The following SELENOT variants were observed in gnomAD, a reference collection of about 807,000 sequenced individuals.
SELENOT encodes the protein selenoprotein T, also known as thioredoxin reductase-like selenoprotein T.
SELENOT carries 9 observed loss-of-function variants against 24.3 expected under a neutral mutation model. The ratio of observed to expected loss-of-function variants is 0.37; its 90% CI spans 0.22 to 0.65. The LOEUF (loss-of-function observed/expected upper bound fraction) is 0.65. Among genes scored for constraint, SELENOT ranks in the 30% least tolerant of loss-of-function variants. The pLI, the probability that SELENOT is intolerant of heterozygous loss-of-function variation, is 0.60. For missense variants in SELENOT, 166 were observed against 247.6 expected (o/e 0.67, Z 2.21); for synonymous variants, 81 against 86.0 (o/e 0.94, Z 0.32).
rs766922191 is a variant in SELENOT at position 150,627,097 on chromosome 3, A to G, written c.551A>G (p.Asn184Ser). ...VQILDNEMKLNVHMDSIPHHR... is the reference protein window; with the variant it reads ...VQILDNEMKLSVHMDSIPHHR... Reference sequence around the variant, plus strand: ...ATTCTTGACAATGAAATGAAGCTCAATGTGCATATGGATTCAATCCCACAC... The same window carrying G: ...ATTCTTGACAATGAAATGAAGCTCAGTGTGCATATGGATTCAATCCCACAC... Residue 184 changes from asparagine to serine, a missense_variant, in exon 5 of 6, where the codon AAT (asparagine) becomes AGT (serine). Around this residue, in one of 5 missense-constraint regions of SELENOT, gnomAD observed 44 missense variants for 72.2 expected, o/e 0.61. Coordinates refer to ENST00000471696, the MANE Select transcript of SELENOT (RefSeq NM_016275.5). 81 of 1,613,662 alleles carry G rather than the reference A, an allele frequency of 5.0e-5. No homozygotes were observed. The highest frequency in any genetic ancestry group is 6.4e-5 in the Non-Finnish European group (75 of 1,179,738).
rs757956742 is a variant in SELENOT at position 150,627,143 on chromosome 3, A to G, written c.*9A>G. ...CACACCATCGATCATAGCACCACCT[A>G]TCAGCACTGAAAACTCTTTTGTAAG... On this transcript the variant is annotated 3_prime_UTR_variant, in exon 5 of 6. Coordinates refer to ENST00000471696, the MANE Select transcript of SELENOT (RefSeq NM_016275.5). 1.4e-5 allele frequency: 22 copies of G among 1,608,718 alleles called. No individual in the cohort carries two copies. Among genetic ancestry groups the G allele is most frequent in the East Asian group, 6.7e-5 (3 of 44,792 alleles).
At position 150,622,414 on chromosome 3, in the gene SELENOT, A is replaced by G; in HGVS notation, c.167A>G (p.Glu56Gly). The G allele has an allele frequency of 6.8e-7, 1 of 1,480,322 alleles. No individual in the cohort carries two copies. The highest frequency in any genetic ancestry group is 1.3e-5 in the South Asian group (1 of 74,214). The allele number at this position is 1,480,322 out of a possible 1,614,324, so 91.7% of individuals were successfully genotyped here. The change falls in exon 2 of 6, where the codon GAG becomes GGG. Residue 56 changes from glutamate (E) to glycine (G), a missense_variant. By Grantham distance (98) the Glu-to-Gly change is moderately conservative (BLOSUM62 -2). Coordinates refer to ENST00000471696, the MANE Select transcript of SELENOT (RefSeq NM_016275.5). The part of the protein sequence containing the change: ...CVSUGYRRVF[E>G]EYMRVISQRY... ...TCCTGAGGTTATAGGCGGGTGTTTG[A>G]GGAGTACATGCGGGTTATTAGCCAG...
intron 1 of SELENOT, among the ~76,000 whole-genome samples, chr3:150,613,995 T>G (rs1423648217): frequency 6.6e-6 from 1 of 152,084 alleles, no homozygotes; most frequent in African/African-American, 2.4e-5. Flanking sequence ...CAAGAGACAG[T>G]ACATTTTAGG....
At chr3:150,606,535 T>C (rs11922033) in intron 1 of SELENOT, among the ~76,000 whole-genome samples, 21,086 of 149,864 alleles carry the variant, frequency 0.14, 1,553 homozygotes, top group Non-Finnish European at 0.17. Context: ...AAAAAATTTA[T>C]TCTGCTTATT....
At chr3:150,608,181 GGT>G (rs1726012629) in intron 1 of SELENOT, among the ~76,000 whole-genome samples, 1 of 152,142 alleles carries the variant, frequency 6.6e-6, no homozygotes, top group Admixed American at 6.5e-5. Flanking sequence ...GAATGTTTTT[GGT>G]GGGAGGGAAG....
chr3:150,625,530 C>G (rs1245235149), intron 4 of SELENOT, among the ~76,000 whole-genome samples: 2 of 152,120 alleles, frequency 1.3e-5, no homozygotes, highest in Non-Finnish European at 2.9e-5. Context: ...TTAACTGCCA[C>G]CACCCTAGTC....
intron 4 of SELENOT, among the ~76,000 whole-genome samples, chr3:150,626,218 G>A (rs951276412): frequency 6.6e-6 from 1 of 152,102 alleles, no homozygotes; most frequent in African/African-American, 2.4e-5. Flanking sequence ...TGCTGCTTGA[G>A]TGTTCCCAAT....
At chr3:150,607,265 C>T (rs1452930630) in intron 1 of SELENOT, among the ~76,000 whole-genome samples, 2 of 152,200 alleles carry the variant, frequency 1.3e-5, no homozygotes, top group African/African-American at 4.8e-5. Flanking sequence ...TGTACCAAAA[C>T]AGATTTTTAT....
In SELENOT at chr3:150,622,464, G is replaced by A; in HGVS notation, c.217G>A (p.Gly73Arg). ...GCGGTACCCAGACATCCGCATTGAA[G>A]GAGAGAATTACCTCCCTCAACCAAT... ...SQRYPDIRIE[G>R]ENYLPQPIYR... Residue 73 changes from glycine to arginine, a missense_variant, in exon 2 of 6, where the codon GGA becomes AGA. Transcript: ENST00000471696. 1 of 1,499,790 alleles carries A rather than the reference G, an allele frequency of 6.7e-7. No homozygotes were observed. Among genetic ancestry groups the A allele is most frequent in the Non-Finnish European group, 9.0e-7 (1 of 1,114,824 alleles). The allele number at this position is 1,499,790 out of a possible 1,614,324, so 92.9% of individuals were successfully genotyped here. A position where few individuals can be genotyped will look rare whatever the true frequency, so the allele number is the denominator to read the frequency against.
chr3:150,625,763 G>A (rs1247746992), intron 4 of SELENOT, among the ~76,000 whole-genome samples: 1 of 151,906 alleles, frequency 6.6e-6, no homozygotes, highest in Non-Finnish European at 1.5e-5. Flanking sequence ...TATTATATAA[G>A]TACCTACATA....
chr3:150,603,357 T>A lies in SELENOT; in HGVS notation c.-6T>A. On this transcript the variant is annotated 5_prime_UTR_variant, in exon 1 of 6. Coordinates refer to ENST00000471696, the MANE Select transcript of SELENOT (RefSeq NM_016275.5). ...GAGGGCGGCCGAAGTGGCTGGCTCATTTAAGATGAGGCTTCTGCTGCTTCT... is the reference window on the plus strand; with the variant it reads ...GAGGGCGGCCGAAGTGGCTGGCTCAATTAAGATGAGGCTTCTGCTGCTTCT... The A allele has an allele frequency of 6.2e-7, 1 of 1,609,672 alleles. No individual in the cohort carries two copies. The highest frequency in any genetic ancestry group is 1.3e-5 in the African/African-American group (1 of 74,968).
intron 1 of SELENOT, among the ~76,000 whole-genome samples, chr3:150,606,473 T>C (rs1725964337): frequency 6.6e-6 from 1 of 152,222 alleles, no homozygotes; most frequent in Non-Finnish European, 1.5e-5. Context: ...TTTATTATGT[T>C]GATTGAGCAA....
chr3:150,625,435 G>A (rs745826041), intron 4 of SELENOT, among the ~76,000 whole-genome samples: 36 of 151,908 alleles, frequency 2.4e-4, no homozygotes, highest in African/African-American at 8.2e-4. Flanking sequence ...TAATATCACC[G>A]TCTTCCCTAG....
intron 1 of SELENOT, among the ~76,000 whole-genome samples, chr3:150,621,734 A>G (rs1359007558): frequency 6.6e-6 from 1 of 151,332 alleles, no homozygotes; most frequent in East Asian, 1.9e-4. Context: ...ATTATTGAAA[A>G]TTATGTTCCC....
At position 150,628,300 on chromosome 3, in the gene SELENOT, G is replaced by A. The variant is rs1726485521; in HGVS notation, c.*671G>A. 1 of 152,584 alleles carries A rather than the reference G, an allele frequency of 6.6e-6. No individual in the cohort carries two copies. 9.5% of individuals were successfully genotyped at this position (152,584 alleles called of 1,614,324 possible). A position where few individuals can be genotyped will look rare whatever the true frequency, so the allele number is the denominator to read the frequency against. On this transcript the variant is annotated 3_prime_UTR_variant, in exon 6 of 6. Coordinates refer to ENST00000471696, the MANE Select transcript of SELENOT (RefSeq NM_016275.5). ...TCCTATTGTGTAGTTAAAGTGTCAT[G>A]CCTTGACCAATCTAATGAATTGATT...
rs1299899174 is a variant in SELENOT at position 150,624,947 on chromosome 3, T to C, written c.463+48T>C. The C allele has an allele frequency of 8.0e-6, 8 of 999,962 alleles. No homozygotes were observed. The Admixed American group carries it at 2.1e-4, about 27-fold the overall frequency. 61.9% of individuals were successfully genotyped at this position (999,962 alleles called of 1,614,324 possible). ...TTTGTGATTGATTTTAAATGATTTA[T>C]AATGAGTATCAAGCTTTTATCTTTT... is the stretch of plus-strand genomic sequence containing the variant. On this transcript the variant is annotated intron_variant, in intron 4 of 5. Coordinates refer to ENST00000471696, the MANE Select transcript of SELENOT (RefSeq NM_016275.5).
intron 1 of SELENOT, among the ~76,000 whole-genome samples, chr3:150,610,470 A>G (rs1726063027): frequency 6.6e-6 from 1 of 152,198 alleles, no homozygotes; most frequent in African/African-American, 2.4e-5. Context: ...TTCATGTTTC[A>G]TTATTTTCAA....
chr3:150,611,884 G>A (rs1035239420), intron 1 of SELENOT: 112 of 1,016,368 alleles, frequency 1.1e-4, no homozygotes, highest in Middle Eastern at 3.0e-4. Context: ...TCATGTCTCC[G>A]AGCTCCGGGG....
intron 1 of SELENOT, chr3:150,611,897 C>A: frequency 1.0e-6 from 1 of 1,001,510 alleles, no homozygotes; most frequent in African/African-American, 1.7e-5. Flanking sequence ...CTCCGGGGTA[C>A]CGGCGCTGAC....
Sources: gnomAD v4.1 joint callset for allele counts (sites outside exome capture counted in the v4.1 genomes callset) on GRCh38, gnomAD v4.1.1 for gene constraint, gnomAD v4.1.1 regional missense constraint, MANE v1.5 for transcripts, NCBI Gene and HGNC (gene_info 2026-07-23, HGNC 2026-07-21) for gene names.